Variants in FMN2 observed in about 807,000 individuals in gnomAD.
FMN2 encodes the protein formin 2.
Under a neutral mutation model 142.3 loss-of-function variants are expected in FMN2, and 51 were observed. That is an observed-to-expected ratio of 0.36 (90% confidence interval 0.29 to 0.45). The LOEUF is 0.45. Ranked by LOEUF, FMN2 falls within the 20% of genes least tolerant of loss-of-function variation. The pLI, the probability that FMN2 is intolerant of heterozygous loss-of-function variation, is 1.00. For synonymous variants in FMN2, 882 were observed against 869.8 expected (o/e 1.01, Z -0.25); for missense variants, 1,936 against 2,122.8 (o/e 0.91, Z 1.73).
Position 240,207,195 on chromosome 1 carries a change from T to G in FMN2, c.2383T>G (p.Ser795Ala). 1 of 1,613,978 alleles carries G rather than the reference T, an allele frequency of 6.2e-7. No homozygotes were observed. The highest frequency in any genetic ancestry group is 8.5e-7 in the Non-Finnish European group (1 of 1,179,942). The stretch of plus-strand genomic sequence containing the variant: ...TTTGATTGTGTCTCCAAGGCGAATA[T>G]CAGTCCAGCTCGACAGCCATCAGCC... ...ISLIVSPRRI[S>A]VQLDSHQPTQ... The change falls in exon 5 of 18, where the codon TCA (serine) becomes GCA (alanine). Residue 795 changes from serine (S) to alanine (A), a missense_variant. Coordinates refer to ENST00000319653, the MANE Select transcript of FMN2 (RefSeq NM_020066.5).
rs75842695 is a variant in FMN2, at chr1:240,241,244, A to ATT, written c.4066-16688_4066-16687dup. Among the ~76,000 whole-genome samples, 479 of 136,578 alleles carry ATT rather than the reference A, an allele frequency of 3.5e-3. 3 individuals carry two copies. The highest frequency in any genetic ancestry group is 0.012 in the African/African-American group (453 of 37,122). 89.6% of individuals were successfully genotyped at this position (136,578 alleles called of 152,430 possible). A position where few individuals can be genotyped will look rare whatever the true frequency, so the allele number is the denominator to read the frequency against. ...AACTCTGGATTTTTTTTTTAATTGT[A>ATT]TTTTTTTTTTTTTTGTCAAGGTCAT... On this transcript the variant is annotated intron_variant, in intron 6 of 17. Coordinates refer to ENST00000319653, the MANE Select transcript of FMN2 (RefSeq NM_020066.5).
intron 2 of FMN2, among the ~76,000 whole-genome samples, chr1:240,157,982 A>G (rs1326170754): frequency 6.6e-6 from 1 of 151,338 alleles, no homozygotes; most frequent in African/African-American, 2.4e-5. Flanking sequence ...ACTAAAAAAA[A>G]AAAAAAAAAA....
At chr1:240,192,200 G>C (rs1665726166) in intron 4 of FMN2, among the ~76,000 whole-genome samples, 1 of 152,138 alleles carries the variant, frequency 6.6e-6, no homozygotes, top group Non-Finnish European at 1.5e-5. Flanking sequence ...TGGCCACTCA[G>C]TTCCATTAGT....
At chr1:240,116,974 T>C (rs1394872647) in intron 1 of FMN2, among the ~76,000 whole-genome samples, 2 of 151,752 alleles carry the variant, frequency 1.3e-5, no homozygotes, top group Non-Finnish European at 2.9e-5. Context: ...GGATTTGTTC[T>C]TTCGGTTTTT....
At chr1:240,150,782 A>G (rs1038755560) in intron 2 of FMN2, among the ~76,000 whole-genome samples, 3 of 152,174 alleles carry the variant, frequency 2.0e-5, no homozygotes, top group Non-Finnish European at 4.4e-5. Flanking sequence ...GGCCATAATA[A>G]TTAGTAGAGA....
chr1:240,140,111 A>T (rs570904987), intron 2 of FMN2, among the ~76,000 whole-genome samples: 9 of 151,812 alleles, frequency 5.9e-5, no homozygotes, highest in South Asian at 2.1e-4. Context: ...GCTTACTCTC[A>T]CTTTCTTTCT....
At chr1:240,367,061 T>C (rs1672696512) in intron 14 of FMN2, among the ~76,000 whole-genome samples, 2 of 152,184 alleles carry the variant, frequency 1.3e-5, no homozygotes, top group Admixed American at 1.3e-4. Flanking sequence ...GAGTTCCAAT[T>C]GTGTTAAATC....
chr1:240,103,252 A>G (rs1661476855), intron 1 of FMN2, among the ~76,000 whole-genome samples: 1 of 152,198 alleles, frequency 6.6e-6, no homozygotes, highest in Non-Finnish European at 1.5e-5. Context: ...CTGCTTTTGG[A>G]TAATAAAAGC....
intron 15 of FMN2, among the ~76,000 whole-genome samples, chr1:240,415,213 G>T (rs1393436697): frequency 6.6e-6 from 1 of 152,248 alleles, no homozygotes; most frequent in Middle Eastern, 3.4e-3. Context: ...GCCATAAAAA[G>T]GATGATTTCA....
intron 7 of FMN2, among the ~76,000 whole-genome samples, chr1:240,284,559 A>G (rs1291944694): frequency 1.3e-5 from 2 of 152,176 alleles, no homozygotes; most frequent in East Asian, 1.9e-4. Context: ...CCATCTACAC[A>G]ACTTTTCCTC....
At position 240,142,979 on chromosome 1, in the gene FMN2, A is replaced by C; in HGVS notation, c.1782+19634A>C. 1.5e-5 allele frequency: 23 copies of C among 1,582,896 alleles called. No homozygotes were observed. The South Asian group carries it at 2.5e-4, about 18-fold the overall frequency. On this transcript the variant is annotated intron_variant, in intron 2 of 17. Transcript: ENST00000319653. Reference sequence around the variant, plus strand: ...ATTTGCCTAGAATAATGTTTCGAACATCCAGGAAAGAGAGAGGCACGGTGA... The same window carrying C: ...ATTTGCCTAGAATAATGTTTCGAACCTCCAGGAAAGAGAGAGGCACGGTGA...
intron 15 of FMN2, among the ~76,000 whole-genome samples, chr1:240,434,133 G>T (rs1022716255): frequency 2.6e-5 from 4 of 152,174 alleles, no homozygotes; most frequent in Non-Finnish European, 5.9e-5. Context: ...GACATCTGGA[G>T]TTATCTGTTA....
intron 15 of FMN2, among the ~76,000 whole-genome samples, chr1:240,429,360 T>C (rs1675060023): frequency 6.6e-6 from 1 of 152,200 alleles, no homozygotes. Flanking sequence ...TAAGTTTGTT[T>C]AGGAACCATT....
chr1:240,314,420 A>G (rs1670699610), intron 8 of FMN2, among the ~76,000 whole-genome samples: 1 of 152,158 alleles, frequency 6.6e-6, no homozygotes, highest in South Asian at 2.1e-4. Context: ...CTACTGACCT[A>G]TTTTAAATCA....
At chr1:240,247,834 C>T (rs1414870273) in intron 6 of FMN2, among the ~76,000 whole-genome samples, 2 of 152,226 alleles carry the variant, frequency 1.3e-5, no homozygotes, top group East Asian at 3.9e-4. Flanking sequence ...AATATTTATA[C>T]ATATTTATGA....
chr1:240,314,574 A>G (rs1014528455), intron 8 of FMN2, among the ~76,000 whole-genome samples: 1 of 151,860 alleles, frequency 6.6e-6, no homozygotes, highest in Non-Finnish European at 1.5e-5. Context: ...TAGCTGGAGA[A>G]TAAATCCTTA....
intron 17 of FMN2, among the ~76,000 whole-genome samples, chr1:240,472,701 C>A (rs1374477903): frequency 1.3e-5 from 2 of 151,896 alleles, no homozygotes; most frequent in African/African-American, 4.8e-5. Flanking sequence ...AATTCCAGCA[C>A]TTTGGGAGGC....
At chr1:240,292,977 G>A (rs1669845461) in intron 7 of FMN2, among the ~76,000 whole-genome samples, 1 of 152,126 alleles carries the variant, frequency 6.6e-6, no homozygotes, top group Admixed American at 6.5e-5. Context: ...TAACAGTGCT[G>A]CTTTCCAGTG....
At chr1:240,210,376 C>A (rs560385432) in intron 5 of FMN2, among the ~76,000 whole-genome samples, 1 of 152,210 alleles carries the variant, frequency 6.6e-6, no homozygotes, top group African/African-American at 2.4e-5. Context: ...TTGCCAGGTT[C>A]GTTTTCATTT....
Sources: allele counts gnomAD v4.1 joint callset (sites outside exome capture counted in the v4.1 genomes callset), GRCh38; gene constraint gnomAD v4.1.1; transcripts MANE v1.5; gene names NCBI Gene and HGNC (gene_info 2026-07-23, HGNC 2026-07-21).